Variants in BPNT2 observed in about 807,000 individuals in gnomAD.
BPNT2 encodes the protein Golgi-resident adenosine 3',5'-bisphosphate 3'-phosphatase.
In BPNT2, 11 loss-of-function variants were observed where a neutral mutation model predicts 29.3. The ratio of observed to expected loss-of-function variants is 0.38; its 90% confidence interval spans 0.24 to 0.62. The LOEUF is 0.62. Ranked by LOEUF, BPNT2 falls within the 20% of genes least tolerant of loss-of-function variation. The pLI, the probability that BPNT2 is intolerant of heterozygous loss-of-function variation, is 0.62. For missense variants in BPNT2, 459 were observed against 473.4 expected, an observed-to-expected ratio of 0.97 and a Z score of 0.28; for synonymous variants, 195 against 187.7, an observed-to-expected ratio of 1.04 and a Z score of -0.32.
intron 3 of BPNT2, among the ~76,000 whole-genome samples, chr8:56,976,487 G>C (rs912594704): frequency 7.2e-5 from 11 of 152,080 alleles, no homozygotes; most frequent in African/African-American, 2.7e-4. Context: ...TAATCTTACA[G>C]TATATTGTCA....
intron 1 of BPNT2, among the ~76,000 whole-genome samples, chr8:56,991,780 T>C (rs920050217): frequency 6.6e-6 from 1 of 152,222 alleles, no homozygotes; most frequent in African/African-American, 2.4e-5. Context: ...GCAACTTCTC[T>C]GAATCTCCTG....
At chr8:56,992,183 C>A (rs1806428130) in intron 1 of BPNT2, among the ~76,000 whole-genome samples, 1 of 152,178 alleles carries the variant, frequency 6.6e-6, no homozygotes, top group Admixed American at 6.5e-5. Context: ...CTTTCAAGAT[C>A]AGCAGTAAAA....
At chr8:56,965,711 C>T (rs770552415) in intron 4 of BPNT2, among the ~76,000 whole-genome samples, 5 of 152,052 alleles carry the variant, frequency 3.3e-5, no homozygotes, top group Admixed American at 1.3e-4. Context: ...AAGGTGGGTG[C>T]GCACTAGCCT....
Position 56,959,901 on chromosome 8 carries a change from C to T in BPNT2, c.*3892G>A, listed in dbSNP as rs906971130. ...TTTTCCCTTATTAACATACAATGCC[C>T]TATTGTTAAGGCACAACTTTTTTTA... is the stretch of plus-strand genomic sequence containing the variant. On this transcript the variant is annotated 3_prime_UTR_variant, in exon 5 of 5. Transcript: ENST00000262644. 1.3e-5 allele frequency: 2 copies of T among 152,124 alleles called. No individual in the cohort carries two copies. The highest frequency in any genetic ancestry group is 6.5e-5 in the Admixed American group (1 of 15,268). 9.4% of individuals were successfully genotyped at this position (152,124 alleles called of 1,614,324 possible).
At chr8:56,976,901 A>G (rs1031266554) in intron 3 of BPNT2, among the ~76,000 whole-genome samples, 14 of 152,164 alleles carry the variant, frequency 9.2e-5, no homozygotes, top group Non-Finnish European at 1.5e-4. Context: ...CAAAATTCCA[A>G]AATCTGAAAT....
intron 1 of BPNT2, among the ~76,000 whole-genome samples, chr8:56,984,867 C>T (rs1033960552): frequency 7.2e-5 from 11 of 151,954 alleles, no homozygotes; most frequent in South Asian, 2.1e-4. Context: ...AGTGCTATCC[C>T]GTAATCTCTC....
At chr8:56,984,835 G>T (rs998697819) in intron 1 of BPNT2, among the ~76,000 whole-genome samples, 3 of 152,088 alleles carry the variant, frequency 2.0e-5, no homozygotes, top group Non-Finnish European at 4.4e-5. Flanking sequence ...AGTTCCAGAT[G>T]ATCTGGGTAA....
intron 1 of BPNT2, among the ~76,000 whole-genome samples, chr8:56,992,130 T>C (rs1161752523): frequency 6.6e-6 from 1 of 152,184 alleles, no homozygotes; most frequent in Non-Finnish European, 1.5e-5. Context: ...GAAGAAGCCT[T>C]ATGCAAAATA....
chr8:56,986,821 G>A (rs1298560756), intron 1 of BPNT2, among the ~76,000 whole-genome samples: 1 of 152,140 alleles, frequency 6.6e-6, no homozygotes, highest in Non-Finnish European at 1.5e-5. Context: ...GGTACTACAA[G>A]TATAGTTTCT....
At position 56,957,948 on chromosome 8, in the gene BPNT2, A is replaced by G. The variant is rs1451492956; in HGVS notation, c.*5845T>C. On this transcript the variant is annotated 3_prime_UTR_variant, in exon 5 of 5. Coordinates refer to ENST00000262644, the MANE Select transcript of BPNT2 (RefSeq NM_017813.5). ...ACACCATCTCTTTTAGACATGACCAATTTATTCAGAGAATTCAAATTTCGT... is the reference window on the plus strand; with the variant it reads ...ACACCATCTCTTTTAGACATGACCAGTTTATTCAGAGAATTCAAATTTCGT... 6.6e-6 allele frequency: 1 copy of G among 152,122 alleles called. No homozygotes were observed. Among genetic ancestry groups the G allele is most frequent in the East Asian group, 1.9e-4 (1 of 5,186 alleles). The allele number at this position is 152,122 out of a possible 1,614,324, so 9.4% of individuals were successfully genotyped here.
At chr8:56,984,914 A>C (rs981176464) in intron 1 of BPNT2, among the ~76,000 whole-genome samples, 4 of 151,818 alleles carry the variant, frequency 2.6e-5, no homozygotes, top group Non-Finnish European at 5.9e-5. Context: ...CCCCAGACTT[A>C]CTAGTCTTCT....
chr8:56,969,887 G>T (rs1806004408), intron 3 of BPNT2, among the ~76,000 whole-genome samples: 1 of 152,054 alleles, frequency 6.6e-6, no homozygotes, highest in African/African-American at 2.4e-5. Context: ...CCGCTGGAAG[G>T]GTTCTATACT....
rs1805859923 is a variant in BPNT2, at chr8:56,962,791, C to A, written c.*1002G>T. 1 of 151,906 alleles carries A rather than the reference C, an allele frequency of 6.6e-6. No individual in the cohort carries two copies. Among genetic ancestry groups the A allele is most frequent in the Admixed American group, 6.6e-5 (1 of 15,262 alleles). The allele number at this position is 151,906 out of a possible 1,614,324, so 9.4% of individuals were successfully genotyped here. A position where few individuals can be genotyped will look rare whatever the true frequency, so the allele number is the denominator to read the frequency against. ...TCATTCTTGATAATGAAAGGATCTT[C>A]TATATACAAACCTAGCAAATTAAAA... is the stretch of plus-strand genomic sequence containing the variant. On this transcript the variant is annotated 3_prime_UTR_variant, in exon 5 of 5. Transcript: ENST00000262644.
At chr8:56,993,060 C>T in intron 1 of BPNT2, 139 bp downstream of exon 1, 2 of 1,511,014 alleles carry the variant, frequency 1.3e-6, no homozygotes, top group Non-Finnish European at 1.8e-6. Context: ...TCTGTCTGAC[C>T]TTGTGCACGT....
At chr8:56,991,937 A>G (rs1426282345) in intron 1 of BPNT2, among the ~76,000 whole-genome samples, 1 of 152,200 alleles carries the variant, frequency 6.6e-6, no homozygotes, top group Non-Finnish European at 1.5e-5. Flanking sequence ...GAAAAAGTGG[A>G]AATATTCTGT....
intron 1 of BPNT2, among the ~76,000 whole-genome samples, chr8:56,984,438 G>A (rs1356904118): frequency 2.6e-5 from 4 of 152,092 alleles, no homozygotes; most frequent in Non-Finnish European, 4.4e-5. Flanking sequence ...CCTTTCTCGC[G>A]TGCCACATCG....
intron 3 of BPNT2, chr8:56,967,363 T>C (rs1805968857): frequency 4.9e-6 from 2 of 409,378 alleles, no homozygotes; most frequent in African/African-American, 2.1e-5. Flanking sequence ...ACCCATGCTC[T>C]GTACCTACAG....
chr8:56,993,121 A>G, intron 1 of BPNT2, 78 bp downstream of exon 1: 1 of 1,539,964 alleles, frequency 6.5e-7, no homozygotes, highest in Non-Finnish European at 8.7e-7. Context: ...CAGAAGCTCC[A>G]CATCCCATAC....
At chr8:56,985,208 C>T (rs972070263) in intron 1 of BPNT2, among the ~76,000 whole-genome samples, 1 of 152,074 alleles carries the variant, frequency 6.6e-6, no homozygotes, top group African/African-American at 2.4e-5. Context: ...TGCAAGGACA[C>T]AAATTTTCTT....
Sources: allele counts gnomAD v4.1 joint callset (sites outside exome capture counted in the v4.1 genomes callset), GRCh38; gene constraint gnomAD v4.1.1; transcripts MANE v1.5; gene names NCBI Gene and HGNC (gene_info 2026-07-23, HGNC 2026-07-21).